The following SIN3B variants were observed in gnomAD, a reference collection of about 807,000 sequenced individuals.
SIN3B encodes the protein paired amphipathic helix protein Sin3b.
A neutral mutation model predicts 120.2 loss-of-function variants in SIN3B; 19 were observed. The observed-to-expected ratio is 0.16, with a 90% confidence interval of 0.11 to 0.23. SIN3B has a LOEUF of 0.23. Among genes scored for constraint, SIN3B ranks in the 10% least tolerant of loss-of-function variants. The pLI, the probability that SIN3B is intolerant of heterozygous loss-of-function variation, is 1.00. For synonymous variants in SIN3B, 654 were observed against 653.2 expected, an observed-to-expected ratio of 1.00 and a Z score of -0.02; for missense variants, 1,073 against 1,573.0, an observed-to-expected ratio of 0.68 and a Z score of 5.38.
intron 9 of SIN3B, chr19:16,863,123 G>A: frequency 1.6e-6 from 1 of 634,800 alleles, no homozygotes; most frequent in Non-Finnish European, 2.8e-6. Flanking sequence ...TATTCATCTG[G>A]GATGGCCTGC....
intron 14 of SIN3B, 152 bp from the exon 15 acceptor site, chr19:16,875,903 C>T: frequency 1.1e-6 from 1 of 940,346 alleles, no homozygotes; most frequent in Non-Finnish European, 1.6e-6. Flanking sequence ...GTCTGGTCTG[C>T]CCACAGCCTG....
At chr19:16,832,389 G>T (rs2144570892) in intron 3 of SIN3B, among the ~76,000 whole-genome samples, 1 of 151,674 alleles carries the variant, frequency 6.6e-6, no homozygotes, top group South Asian at 2.1e-4. Context: ...GTAGAGATGG[G>T]GTTTCTTCAT....
At position 16,829,450 on chromosome 19, in the gene SIN3B, C is replaced by G; in HGVS notation, c.30C>G (p.Gly10=). Reference sequence around the variant, plus strand: ...CGCACGCTGGCGGTGGCAGCGGTGGCAGCGGTGCCGGCGGCCCCGCGGGCC... The same window carrying G: ...CGCACGCTGGCGGTGGCAGCGGTGGGAGCGGTGCCGGCGGCCCCGCGGGCC... MAHAGGGSG[G]SGAGGPAGRG... The change falls in exon 1 of 19, where the codon GGC becomes GGG. Residue 10 remains glycine (G), a synonymous_variant. Coordinates refer to ENST00000248054, the MANE Select transcript of SIN3B (RefSeq NM_001297595.2). The G allele has an allele frequency of 8.2e-7, 1 of 1,213,684 alleles. No individual in the cohort carries two copies. The highest frequency in any genetic ancestry group is 1.0e-6 in the Non-Finnish European group (1 of 976,080). 75.2% of individuals were successfully genotyped at this position (1,213,684 alleles called of 1,614,324 possible).
intron 13 of SIN3B, 26 bp downstream of exon 13, chr19:16,870,101 G>T (rs1446724299): frequency 3.9e-6 from 6 of 1,541,782 alleles, no homozygotes; most frequent in Non-Finnish European, 5.2e-6. Flanking sequence ...CTGCCGGGAG[G>T]CCCCGGGGGG....
chr19:16,856,105 C>G (rs1971611255), intron 8 of SIN3B, among the ~76,000 whole-genome samples: 1 of 152,128 alleles, frequency 6.6e-6, no homozygotes, highest in Non-Finnish European at 1.5e-5. Flanking sequence ...AAAGAGAAGC[C>G]TCATTAGCAG....
chr19:16,864,585 GCCTTCCAA>G (rs1464725164), intron 10 of SIN3B, among the ~76,000 whole-genome samples: 5 of 151,820 alleles, frequency 3.3e-5, no homozygotes, highest in Non-Finnish European at 7.4e-5. Flanking sequence ...TCCCACCTTG[GCCTTCCAA>G]AGTGCTGAGA....
chr19:16,851,668 G>A, intron 6 of SIN3B, 134 bp downstream of exon 6: 1 of 1,152,100 alleles, frequency 8.7e-7, no homozygotes. Flanking sequence ...AGGTTCACCG[G>A]CAGTGGGACC....
chr19:16,857,519 G>GTA (rs1227210811), intron 8 of SIN3B, among the ~76,000 whole-genome samples: 3 of 66,742 alleles, frequency 4.5e-5, no homozygotes, highest in East Asian at 2.9e-4. Flanking sequence ...AAAAAAATAT[G>GTA]TGTGTGTGTG....
intron 5 of SIN3B, among the ~76,000 whole-genome samples, chr19:16,847,966 C>T (rs1971500215): frequency 2.0e-5 from 3 of 152,148 alleles, no homozygotes; most frequent in Admixed American, 2.0e-4. Context: ...GGATTTGATT[C>T]GCCCATTCTG....
intron 6 of SIN3B, 43 bp from the exon 7 acceptor site, chr19:16,853,026 G>T: frequency 1.3e-6 from 2 of 1,502,966 alleles, no homozygotes; most frequent in Non-Finnish European, 1.9e-6. Context: ...AGAGGCCACC[G>T]GTGGGAGGCA....
At position 16,869,506 on chromosome 19, in the gene SIN3B, C is replaced by A; in HGVS notation, c.1853C>A (p.Pro618Gln). ...GGCCGCAGTGCCCCCTCTAGCGAGC[C>A]GCACCTCATCTTTGTGTACGAGGAC... is the stretch of plus-strand genomic sequence containing the variant. Reference protein sequence around the residue: ...SEGRSAPSSEPHLIFVYEDRQ... With the variant: ...SEGRSAPSSEQHLIFVYEDRQ... Residue 618 changes from proline to glutamine, a missense_variant, in exon 13 of 19, where the codon CCG (proline) becomes CAG (glutamine). Pro to Gln is a moderately conservative substitution (Grantham distance 76, BLOSUM62 -1). Transcript: ENST00000248054. 6.2e-7 allele frequency: 1 copy of A among 1,613,544 alleles called. No homozygotes were observed. Among genetic ancestry groups the A allele is most frequent in the Non-Finnish European group, 8.5e-7 (1 of 1,179,742 alleles).
Position 16,862,423 on chromosome 19 carries a change from T to C in SIN3B, c.1130T>C (p.Met377Thr), listed in dbSNP as rs187200428. 7.2e-5 allele frequency: 117 copies of C among 1,614,154 alleles called. No individual in the cohort carries two copies. The highest frequency in any genetic ancestry group is 9.2e-5 in the Non-Finnish European group (108 of 1,180,032). ...GVKELSFAPP[M>T]SDRSGDGISR... ...AAAGAGCTGTCCTTCGCGCCACCCA[T>C]GAGCGACAGATCCGGGGACGGGATA... Residue 377 changes from methionine (M) to threonine (T), a missense_variant, in exon 9 of 19, where the codon ATG (methionine) becomes ACG (threonine). Coordinates refer to ENST00000248054, the MANE Select transcript of SIN3B (RefSeq NM_001297595.2). This position sits in a 1 kb window ranked among gnomAD's most constrained non-coding sequence, Gnocchi z 4.7.
Position 16,851,521 on chromosome 19 carries a change from C to A in SIN3B, c.836C>A (p.Ser279Tyr). 1 of 1,601,090 alleles carries A rather than the reference C, an allele frequency of 6.2e-7. No individual in the cohort carries two copies. Among genetic ancestry groups the A allele is most frequent in the Non-Finnish European group, 8.5e-7 (1 of 1,174,088 alleles). The stretch of plus-strand genomic sequence containing the variant: ...CGGCCCTCGCTCCTCCGCCCCGTGT[C>A]TGCACCCGCCAAGGTACCTGTGAGC... ...RSRPSLLRPV[S>Y]APAKKKMKLR... Residue 279 changes from serine (S) to tyrosine (Y), a missense_variant, in exon 6 of 19, where the codon TCT becomes TAT. Physicochemically the swap from Ser to Tyr is moderately radical, Grantham distance 144. Transcript: ENST00000248054.
rs1161414458 is a variant in SIN3B, at chr19:16,876,679, A to C, written c.2859+101A>C. 3 of 902,494 alleles carry C rather than the reference A, an allele frequency of 3.3e-6. No individual in the cohort carries two copies. The highest frequency in any genetic ancestry group is 3.4e-6 in the Non-Finnish European group (2 of 581,974). 55.9% of individuals were successfully genotyped at this position (902,494 alleles called of 1,614,324 possible). On this transcript the variant is annotated intron_variant, in intron 16 of 18. Coordinates refer to ENST00000248054, the MANE Select transcript of SIN3B (RefSeq NM_001297595.2). The surrounding 1 kb of genome is among the most constrained non-coding windows in gnomAD (Gnocchi z 7.1). The stretch of plus-strand genomic sequence containing the variant: ...CAAGCGCAGGCCGCGCAGCATCCAG[A>C]GACCCTCCCTCTGCAGGCCACAGGC...
At position 16,868,626 on chromosome 19, in the gene SIN3B, C is replaced by T. The variant is rs1051964830; in HGVS notation, c.1807-834C>T. On this transcript the variant is annotated intron_variant, in intron 12 of 18. Transcript: ENST00000248054. Reference sequence around the variant, plus strand: ...TGGGCATGTGCAAAGGCCCTGCACACGCAGGAGGGAGCTTGGCGCGGTGAG... The same window carrying T: ...TGGGCATGTGCAAAGGCCCTGCACATGCAGGAGGGAGCTTGGCGCGGTGAG... 3.3e-5 allele frequency among the ~76,000 whole-genome samples: 5 copies of T among 152,298 alleles called. No homozygotes were observed. The South Asian group carries it at 6.2e-4, about 19-fold the overall frequency.
At position 16,829,913 on chromosome 19, in the gene SIN3B, C is replaced by T; in HGVS notation, c.227+16C>T. 2 of 1,585,094 alleles carry T rather than the reference C, an allele frequency of 1.3e-6. No homozygotes were observed. The highest frequency in any genetic ancestry group is 2.2e-5 in the East Asian group (1 of 44,694). Reference sequence around the variant, plus strand: ...AAAGCCAGAGGTACCAGCGGGGCCCCTCTCCACCTCAGGGGACCCCCCTGG... The same window carrying T: ...AAAGCCAGAGGTACCAGCGGGGCCCTTCTCCACCTCAGGGGACCCCCCTGG... On this transcript the variant is annotated intron_variant, in intron 2 of 18. Transcript: ENST00000248054.
chr19:16,867,203 T>G (rs1419908523), intron 12 of SIN3B, among the ~76,000 whole-genome samples: 2 of 152,236 alleles, frequency 1.3e-5, no homozygotes, highest in Non-Finnish European at 2.9e-5. Flanking sequence ...TAATGCATCA[T>G]CTGACCTCAC....
intron 14 of SIN3B, 153 bp from the exon 15 acceptor site, chr19:16,875,902 G>T: frequency 2.2e-6 from 2 of 924,874 alleles, no homozygotes; most frequent in Non-Finnish European, 3.2e-6. Context: ...GGTCTGGTCT[G>T]CCCACAGCCT....
chr19:16,841,585 C>T (rs931347856), intron 3 of SIN3B, among the ~76,000 whole-genome samples, 183 bp from the exon 4 acceptor site: 2 of 152,122 alleles, frequency 1.3e-5, no homozygotes, highest in Middle Eastern at 3.2e-3. Flanking sequence ...GCTGGGAAGA[C>T]TCACCTGTGC....
Sources: allele counts gnomAD v4.1 joint callset (sites outside exome capture counted in the v4.1 genomes callset), GRCh38; gene constraint gnomAD v4.1.1; non-coding constraint Gnocchi (gnomAD v3.1); transcripts MANE v1.5; gene names NCBI Gene and HGNC (gene_info 2026-07-23, HGNC 2026-07-21).